RSRC2: variants seen among roughly 807,000 people sequenced by gnomAD.
The protein encoded by RSRC2 is arginine/serine-rich coiled-coil protein 2.
Under a neutral mutation model 61.3 loss-of-function variants are expected in RSRC2, and 5 were observed. That is an observed-to-expected ratio of 0.08 (90% CI 0.04 to 0.17). The LOEUF (loss-of-function observed/expected upper bound fraction) is 0.17. RSRC2 is among the 10% of genes least tolerant of loss of function. RSRC2 has a pLI of 1.00. For synonymous variants in RSRC2, 202 were observed against 166.5 expected (o/e 1.21, Z -1.64); for missense variants, 381 against 518.8 (o/e 0.73, Z 2.58).
rs1959204978 is a variant in RSRC2 at position 122,521,382 on chromosome 12, T to C, written c.207+3A>G. On this transcript the variant is annotated splice_donor_region_variant and intron_variant, in intron 3 of 9. Coordinates refer to ENST00000331738, the MANE Select transcript of RSRC2 (RefSeq NM_023012.6). Reference sequence around the variant, plus strand: ...TACCTATTCACTACAAAGTGTTAATTACCTCTTTGCTTCTGCTCCGGCTCC... The same window carrying C: ...TACCTATTCACTACAAAGTGTTAATCACCTCTTTGCTTCTGCTCCGGCTCC... 2 of 1,609,304 alleles carry C rather than the reference T, an allele frequency of 1.2e-6. No homozygotes were observed. Among genetic ancestry groups the C allele is most frequent in the East Asian group, 4.5e-5 (2 of 44,816 alleles).
chr12:122,515,685 A>G (rs536604715), intron 5 of RSRC2, among the ~76,000 whole-genome samples: 1 of 152,208 alleles, frequency 6.6e-6, no homozygotes, highest in Non-Finnish European at 1.5e-5. Flanking sequence ...ATAAAAAGTT[A>G]TTAACCACTA....
intron 4 of RSRC2, among the ~76,000 whole-genome samples, chr12:122,518,359 G>A (rs921470390): frequency 3.3e-5 from 5 of 152,140 alleles, no homozygotes; most frequent in Admixed American, 6.5e-5. Context: ...TTGGGAGGCC[G>A]AGGTAGGTGG....
intron 6 of RSRC2, chr12:122,514,901 A>G (rs748975543): frequency 2.9e-6 from 2 of 689,642 alleles, no homozygotes; most frequent in Non-Finnish European, 4.4e-6. Flanking sequence ...AGGAAAAAAC[A>G]GAAATTGTAG....
chr12:122,509,979 G>A (rs1293425739), intron 7 of RSRC2, among the ~76,000 whole-genome samples: 2 of 151,906 alleles, frequency 1.3e-5, no homozygotes, highest in Non-Finnish European at 2.9e-5. Context: ...ACACAACCAC[G>A]CCTGGCTAAT....
At chr12:122,514,019 CT>C (rs1177038770) in intron 6 of RSRC2, 1 of 152,670 alleles carries the variant, frequency 6.6e-6, no homozygotes, top group Admixed American at 6.6e-5. Context: ...GGGTGGGACC[CT>C]GTCTCAAAAA....
At chr12:122,521,315 C>G in intron 3 of RSRC2, 70 bp downstream of exon 3, 1 of 1,191,692 alleles carries the variant, frequency 8.4e-7, no homozygotes, top group South Asian at 1.3e-5. Flanking sequence ...GTCTTATATT[C>G]ATACAAATCT....
chr12:122,524,184 T>G (rs1013275474), intron 1 of RSRC2, among the ~76,000 whole-genome samples: 2 of 152,234 alleles, frequency 1.3e-5, no homozygotes, highest in African/African-American at 4.8e-5. Context: ...TCTTTACTGT[T>G]TACTACTAAT....
chr12:122,513,254 T>TAAAAATA (rs1351922430), intron 6 of RSRC2, among the ~76,000 whole-genome samples: 27 of 138,086 alleles, frequency 2.0e-4, no homozygotes, highest in East Asian at 8.2e-4. Context: ...TAAAATAAAA[T>TAAAAATA]AAAAATAAAA....
At chr12:122,508,580 T>TAG (rs1018408894) in intron 7 of RSRC2, 133 bp from the exon 8 acceptor site, 28 of 673,168 alleles carry the variant, frequency 4.2e-5, no homozygotes, top group Middle Eastern at 8.0e-4. Context: ...TCCAAGGAAA[T>TAG]GACTGAGTAT....
chr12:122,526,809 A>G (rs1474787546), intron 1 of RSRC2, 39 bp downstream of exon 1: 4 of 1,613,246 alleles, frequency 2.5e-6, no homozygotes, highest in South Asian at 2.2e-5. Flanking sequence ...AACGTAGCAG[A>G]AAAATATCCC....
At chr12:122,508,880 CA>C (rs376674694) in intron 7 of RSRC2, among the ~76,000 whole-genome samples, 394 of 151,920 alleles carry the variant, frequency 2.6e-3, no homozygotes, top group African/African-American at 9.2e-3. Context: ...CACTTGAACC[CA>C]AAAGGCGAAG....
chr12:122,518,566 C>T (rs1025423573), intron 4 of RSRC2, among the ~76,000 whole-genome samples: 3 of 147,844 alleles, frequency 2.0e-5, no homozygotes, highest in African/African-American at 7.6e-5. Context: ...GCACTCCAGC[C>T]TGGGCAACAC....
In RSRC2 at chr12:122,505,370, G is replaced by A; in HGVS notation, c.*157C>T. On this transcript the variant is annotated 3_prime_UTR_variant, in exon 10 of 10. Coordinates refer to ENST00000331738, the MANE Select transcript of RSRC2 (RefSeq NM_023012.6). Reference sequence around the variant, plus strand: ...TAACCTGATTACAACACTAACACCAGTATCACTGATCTGATATTTACAAAA... The same window carrying A: ...TAACCTGATTACAACACTAACACCAATATCACTGATCTGATATTTACAAAA... The A allele has an allele frequency of 1.7e-6, 1 of 602,576 alleles. No individual in the cohort carries two copies. The highest frequency in any genetic ancestry group is 2.5e-5 in the South Asian group (1 of 39,310). 37.3% of individuals were successfully genotyped at this position (602,576 alleles called of 1,614,324 possible).
intron 6 of RSRC2, chr12:122,514,037 C>T (rs1484372109): frequency 6.6e-6 from 1 of 152,168 alleles, no homozygotes; most frequent in Non-Finnish European, 1.5e-5. Context: ...AAAAACAAAA[C>T]ACCTTAATTT....
At chr12:122,510,726 A>G (rs1448567091) in intron 7 of RSRC2, among the ~76,000 whole-genome samples, 4 of 152,052 alleles carry the variant, frequency 2.6e-5, no homozygotes, top group African/African-American at 9.7e-5. Flanking sequence ...ATTATTTTCT[A>G]TATTTTTCAA....
chr12:122,504,509 CCA>C lies in RSRC2; in HGVS notation c.*1016_*1017del, dbSNP rs1958009544. ...TGGGTGCGGTGGTACGCCTGTAATC[CCA>C]GTTACATGGGAGGTGGAGGTGGGAG... On this transcript the variant is annotated 3_prime_UTR_variant, in exon 10 of 10. Transcript: ENST00000331738. 6.6e-6 allele frequency: 1 copy of C among 151,898 alleles called. No homozygotes were observed. The highest frequency in any genetic ancestry group is 2.4e-5 in the African/African-American group (1 of 41,306). The allele number at this position is 151,898 out of a possible 1,614,324, so 9.4% of individuals were successfully genotyped here.
intron 7 of RSRC2, among the ~76,000 whole-genome samples, chr12:122,509,156 T>C (rs886832180): frequency 2.7e-5 from 4 of 150,864 alleles, no homozygotes; most frequent in African/African-American, 9.7e-5. Flanking sequence ...TGAAAAACAG[T>C]ATGCAGCTAA....
chr12:122,510,872 T>C (rs914628464), intron 7 of RSRC2, among the ~76,000 whole-genome samples: 1 of 151,196 alleles, frequency 6.6e-6, no homozygotes, highest in African/African-American at 2.4e-5. Context: ...TAGTGAAAGG[T>C]CCTCTCTACA....
chr12:122,526,822 G>C (rs1593450911), intron 1 of RSRC2, 26 bp downstream of exon 1: 4 of 1,613,796 alleles, frequency 2.5e-6, no homozygotes, highest in African/African-American at 2.7e-5. Flanking sequence ...AATATCCCTG[G>C]CTTTAAACTC....
Sources: allele counts gnomAD v4.1 joint callset (sites outside exome capture counted in the v4.1 genomes callset), GRCh38; gene constraint gnomAD v4.1.1; transcripts MANE v1.5; gene names NCBI Gene and HGNC (gene_info 2026-07-23, HGNC 2026-07-21).